The following RTCB variants were observed in gnomAD, a reference collection of about 807,000 sequenced individuals.
RTCB encodes the protein RNA 2',3'-cyclic phosphate and 5'-OH ligase.
RTCB carries 32 observed loss-of-function variants against 58.2 expected under a neutral mutation model. That is an observed-to-expected ratio of 0.55 (90% CI 0.41 to 0.74). The LOEUF is 0.74. RTCB is among the 30% of genes least tolerant of loss of function. The pLI is 0.00. For synonymous variants in RTCB, 247 were observed against 218.6 expected, an observed-to-expected ratio of 1.13 and a Z score of -1.15; for missense variants, 523 against 639.0, an observed-to-expected ratio of 0.82 and a Z score of 1.96.
intron 4 of RTCB, among the ~76,000 whole-genome samples, chr22:32,402,743 C>A (rs546848300): frequency 1.3e-5 from 2 of 152,104 alleles, no homozygotes; most frequent in Non-Finnish European, 1.5e-5. Context: ...GCCACCACAC[C>A]TGGCTGACTT....
intron 8 of RTCB, 69 bp from the exon 9 acceptor site, chr22:32,395,283 T>C (rs983666718): frequency 1.5e-6 from 2 of 1,352,732 alleles, no homozygotes; most frequent in Non-Finnish European, 1.0e-6. Context: ...TCGTGACTCA[T>C]CTCACTGGTT....
intron 5 of RTCB, chr22:32,399,979 A>G (rs1280141032): frequency 2.5e-6 from 1 of 398,238 alleles, no homozygotes; most frequent in East Asian, 3.6e-5. Context: ...CCTATTAGAC[A>G]TCATTATAGT....
intron 4 of RTCB, among the ~76,000 whole-genome samples, chr22:32,404,661 C>T (rs1933391365): frequency 2.0e-5 from 3 of 152,078 alleles, no homozygotes; most frequent in Admixed American, 6.6e-5. Context: ...CCTGCTTTGG[C>T]CTCCCAAAGT....
intron 4 of RTCB, among the ~76,000 whole-genome samples, chr22:32,404,551 T>C (rs557492012): frequency 6.6e-6 from 1 of 152,192 alleles, no homozygotes; most frequent in Non-Finnish European, 1.5e-5. Context: ...GAACTACAGA[T>C]GTGCGCCACC....
intron 10 of RTCB, 49 bp from the exon 11 acceptor site, chr22:32,392,408 C>A: frequency 6.2e-7 from 1 of 1,612,378 alleles, no homozygotes; most frequent in Non-Finnish European, 8.5e-7. Flanking sequence ...AGATGATAAG[C>A]CCTTTCCCTG....
At position 32,398,071 on chromosome 22, in the gene RTCB, A is replaced by G. The variant is rs1391403031; in HGVS notation, c.684T>C (p.Tyr228=). Residue 228 remains tyrosine (Y), a synonymous_variant, in exon 7 of 12, where the codon TAT becomes TAC. Transcript: ENST00000216038. ...QLGTLGAGNH[Y]AEIQVVDEIF... is the part of the protein sequence containing the mutation. ...TCTCATCCACAACCTGGATTTCTGCATAATGGTTGCCTGCTCCCAGGGTCC... is the reference window on the plus strand; with the variant it reads ...TCTCATCCACAACCTGGATTTCTGCGTAATGGTTGCCTGCTCCCAGGGTCC... The G allele has an allele frequency of 4.3e-6, 7 of 1,614,140 alleles. No individual in the cohort carries two copies. The highest frequency in any genetic ancestry group is 4.2e-6 in the Non-Finnish European group (5 of 1,180,006).
intron 3 of RTCB, among the ~76,000 whole-genome samples, 197 bp from the exon 4 acceptor site, chr22:32,406,958 ACT>A (rs1824473274): frequency 6.6e-6 from 1 of 152,180 alleles, no homozygotes; most frequent in Non-Finnish European, 1.5e-5. Context: ...TGAGAAAAAA[ACT>A]TTTTTATAAG....
chr22:32,394,064 A>C, intron 9 of RTCB, 62 bp from the exon 10 acceptor site: 2 of 1,186,178 alleles, frequency 1.7e-6, no homozygotes, highest in East Asian at 2.3e-5. Context: ...TTTATGCATA[A>C]AATTTAAATT....
intron 7 of RTCB, among the ~76,000 whole-genome samples, chr22:32,396,836 G>A (rs538050131): frequency 2.0e-5 from 3 of 152,280 alleles, no homozygotes; most frequent in South Asian, 2.1e-4. Context: ...GTTGGAGGCC[G>A]AAAGAATGAG....
intron 1 of RTCB, among the ~76,000 whole-genome samples, chr22:32,411,835 C>T (rs1827700069): frequency 2.0e-5 from 3 of 152,174 alleles, no homozygotes; most frequent in South Asian, 4.1e-4. Context: ...ATTCCCATAT[C>T]CACCGCACTT....
At chr22:32,390,546 T>A (rs1377766699) in intron 11 of RTCB, among the ~76,000 whole-genome samples, 2 of 152,142 alleles carry the variant, frequency 1.3e-5, no homozygotes, top group Non-Finnish European at 2.9e-5. Flanking sequence ...CCTCCCGCGT[T>A]CACGCCGTTC....
At chr22:32,397,163 T>C (rs1005580833) in intron 7 of RTCB, among the ~76,000 whole-genome samples, 2 of 152,234 alleles carry the variant, frequency 1.3e-5, no homozygotes, top group African/African-American at 4.8e-5. Flanking sequence ...AAGTTTCTTT[T>C]GTTTTTTGTT....
intron 4 of RTCB, among the ~76,000 whole-genome samples, chr22:32,405,956 C>A (rs543652465): frequency 6.6e-6 from 1 of 152,298 alleles, no homozygotes; most frequent in African/African-American, 2.4e-5. Context: ...GATAGTATTA[C>A]TGAATATGTT....
intron 11 of RTCB, among the ~76,000 whole-genome samples, chr22:32,389,738 C>T (rs543440925): frequency 1.3e-3 from 204 of 152,336 alleles, no homozygotes; most frequent in African/African-American, 4.8e-3. Flanking sequence ...TTTCCTCCCT[C>T]TTTTCTGCAT....
chr22:32,392,222 T>A lies in RTCB; in HGVS notation c.1410+18A>T. On this transcript the variant is annotated intron_variant, in intron 11 of 11. Coordinates refer to ENST00000216038, the MANE Select transcript of RTCB (RefSeq NM_014306.5). ...GGGGAACAATAAATATTCATGTATT[T>A]ATCAAAATTTCACTTACCTCTTCCA... 6.2e-7 allele frequency: 1 copy of A among 1,603,376 alleles called. No individual in the cohort carries two copies. Among genetic ancestry groups the A allele is most frequent in the Middle Eastern group, 1.7e-4 (1 of 5,912 alleles).
intron 11 of RTCB, among the ~76,000 whole-genome samples, chr22:32,389,948 T>C (rs1462737706): frequency 6.6e-6 from 1 of 152,182 alleles, no homozygotes; most frequent in Non-Finnish European, 1.5e-5. Context: ...CCTTGCTGTT[T>C]CTTGAACACT....
chr22:32,406,874 C>T (rs1933434870), intron 3 of RTCB, 113 bp from the exon 4 acceptor site: 2 of 654,698 alleles, frequency 3.1e-6, no homozygotes, highest in Admixed American at 5.0e-5. Flanking sequence ...TTCCCTAAAT[C>T]AAGACTGTGT....
At chr22:32,390,993 C>T (rs1470152852) in intron 11 of RTCB, among the ~76,000 whole-genome samples, 60 of 152,070 alleles carry the variant, frequency 3.9e-4, no homozygotes, top group Admixed American at 3.7e-3. Context: ...TAGGACTACA[C>T]CTGGCTAATC....
chr22:32,399,654 C>T lies in RTCB; in HGVS notation c.603G>A (p.Gln201=), dbSNP rs5749426. ...EHCEEYGRML[Q]ADPNKVSARA... The stretch of plus-strand genomic sequence containing the variant: ...TTGCAGAAACTTTATTGGGGTCAGC[C>T]TGCAGCATCCTTCCGTACTCCTCGC... The change falls in exon 6 of 12, where the codon CAG becomes CAA. Residue 201 remains glutamine, a synonymous_variant. Transcript: ENST00000216038. 593,690 of 1,612,972 alleles carry T rather than the reference C, an allele frequency of 0.37. 113,020 individuals are homozygous for T. The highest frequency in any genetic ancestry group is 0.62 in the African/African-American group (46,309 of 74,830).
Sources: allele counts gnomAD v4.1 joint callset (sites outside exome capture counted in the v4.1 genomes callset), GRCh38; gene constraint gnomAD v4.1.1; transcripts MANE v1.5; gene names NCBI Gene and HGNC (gene_info 2026-07-23, HGNC 2026-07-21).